The following EYS variants were observed in gnomAD, a reference collection of about 807,000 sequenced individuals.
EYS encodes protein eyes shut homolog.
Under a neutral mutation model 282.1 loss-of-function variants are expected in EYS, and 250 were observed. The observed-to-expected ratio is 0.89, with a 90% CI of 0.80 to 0.98. The LOEUF is 0.98. EYS is among the 50% of genes least tolerant of loss of function. The pLI, the probability that EYS is intolerant of heterozygous loss-of-function variation, is 0.00. For missense variants in EYS, 4,016 were observed against 3,709.0 expected, an observed-to-expected ratio of 1.08 and a Z score of -2.15; for synonymous variants, 1,355 against 1,282.9, an observed-to-expected ratio of 1.06 and a Z score of -1.20.
At chr6:65,607,913 G>C (rs1037527707) in intron 2 of EYS, among the ~76,000 whole-genome samples, 1 of 151,932 alleles carries the variant, frequency 6.6e-6, no homozygotes, top group Admixed American at 6.6e-5. Context: ...CCTGGAATGT[G>C]AGAAAGCAGC....
intron 36 of EYS, among the ~76,000 whole-genome samples, chr6:63,830,774 C>G (rs1562047864): frequency 6.6e-6 from 1 of 152,210 alleles, no homozygotes; most frequent in East Asian, 1.9e-4. Flanking sequence ...TCAGATTCAC[C>G]AAAGTCGAAA....
chr6:64,897,306 C>G (rs1205402028), intron 18 of EYS, among the ~76,000 whole-genome samples: 1 of 152,126 alleles, frequency 6.6e-6, no homozygotes, highest in Non-Finnish European at 1.5e-5. Flanking sequence ...GATACCCAGG[C>G]AAACAGGGTC....
intron 42 of EYS, among the ~76,000 whole-genome samples, chr6:63,724,854 T>G (rs1319166128): frequency 1.3e-5 from 2 of 152,122 alleles, no homozygotes; most frequent in African/African-American, 4.8e-5. Context: ...CTTTGTGTAT[T>G]GTTTGGTTAG....
chr6:63,826,846 A>AAC (rs1771479054), intron 36 of EYS, among the ~76,000 whole-genome samples: 1 of 2,622 alleles, frequency 3.8e-4, no homozygotes. Context: ...GTTAAAAAGC[A>AAC]AAAAAAAAAA....
chr6:64,743,594 A>G (rs1356975826), intron 22 of EYS, among the ~76,000 whole-genome samples: 2 of 152,164 alleles, frequency 1.3e-5, no homozygotes, highest in Non-Finnish European at 2.9e-5. Context: ...ATTTTACAGT[A>G]AAAGACATTT....
At chr6:64,361,720 A>G (rs1772014044) in intron 29 of EYS, among the ~76,000 whole-genome samples, 1 of 151,780 alleles carries the variant, frequency 6.6e-6, no homozygotes, top group Admixed American at 6.6e-5. Context: ...CTTATAATTT[A>G]GGACACAACA....
chr6:64,090,747 T>G (rs1250712329), intron 31 of EYS, among the ~76,000 whole-genome samples: 2 of 152,210 alleles, frequency 1.3e-5, no homozygotes, highest in Non-Finnish European at 2.9e-5. Flanking sequence ...TCATCCAAAC[T>G]TCTTCCTTTG....
intron 1 of EYS, among the ~76,000 whole-genome samples, chr6:65,699,567 G>C (rs1769582762): frequency 6.6e-6 from 1 of 152,158 alleles, no homozygotes; most frequent in African/African-American, 2.4e-5. Context: ...ATGTATAGTA[G>C]CTGCAGAATA....
chr6:63,789,886 G>C (rs1770463111), intron 37 of EYS, among the ~76,000 whole-genome samples: 1 of 152,158 alleles, frequency 6.6e-6, no homozygotes, highest in South Asian at 2.1e-4. Flanking sequence ...GAGTGACCCA[G>C]CATTAATCAC....
chr6:63,957,067 C>T (rs1765857697), intron 35 of EYS, among the ~76,000 whole-genome samples: 1 of 152,138 alleles, frequency 6.6e-6, no homozygotes, highest in African/African-American at 2.4e-5. Flanking sequence ...TATTGATGAT[C>T]AATTAACACT....
At chr6:65,085,586 G>A (rs1774341688) in intron 12 of EYS, among the ~76,000 whole-genome samples, 1 of 152,028 alleles carries the variant, frequency 6.6e-6, no homozygotes, top group Admixed American at 6.6e-5. Context: ...TAGGATAACT[G>A]AAATATGCCC....
At chr6:64,769,002 T>C (rs1773442484) in intron 22 of EYS, among the ~76,000 whole-genome samples, 2 of 152,090 alleles carry the variant, frequency 1.3e-5, no homozygotes, top group African/African-American at 4.8e-5. Flanking sequence ...AGTCACCTTG[T>C]GGCTTGTTTG....
chr6:64,822,375 G>A (rs908073450), intron 20 of EYS, among the ~76,000 whole-genome samples: 3 of 151,928 alleles, frequency 2.0e-5, no homozygotes, highest in Non-Finnish European at 4.4e-5. Context: ...CTATTACCAT[G>A]AGCAGTTACC....
At chr6:65,015,666 A>T (rs1772021518) in intron 13 of EYS, among the ~76,000 whole-genome samples, 1 of 152,088 alleles carries the variant, frequency 6.6e-6, no homozygotes, top group Non-Finnish European at 1.5e-5. Flanking sequence ...GGTAGGAAAA[A>T]TTAAAAACCT....
chr6:64,193,095 GT>G (rs1356894581), intron 31 of EYS, among the ~76,000 whole-genome samples: 3 of 151,964 alleles, frequency 2.0e-5, no homozygotes, highest in African/African-American at 7.3e-5. Flanking sequence ...GTGTGTTTTG[GT>G]TTTTTGTAGA....
At chr6:65,126,023 T>G (rs989549034) in intron 12 of EYS, among the ~76,000 whole-genome samples, 2 of 152,116 alleles carry the variant, frequency 1.3e-5, no homozygotes, top group African/African-American at 4.8e-5. Context: ...CTGGTAAGAT[T>G]ATAAAGCATA....
chr6:65,564,103 C>G (rs1189109683), intron 2 of EYS, among the ~76,000 whole-genome samples: 1 of 152,096 alleles, frequency 6.6e-6, no homozygotes, highest in Non-Finnish European at 1.5e-5. Context: ...CTACAAACCA[C>G]TGCTCAAGGA....
At chr6:64,798,484 A>T (rs1774428388) in intron 22 of EYS, among the ~76,000 whole-genome samples, 1 of 151,928 alleles carries the variant, frequency 6.6e-6, no homozygotes, top group Non-Finnish European at 1.5e-5. Context: ...AAAAGAAAGC[A>T]AGCACATGCG....
At chr6:65,368,251 G>A (rs1397883000) in intron 8 of EYS, among the ~76,000 whole-genome samples, 2 of 151,526 alleles carry the variant, frequency 1.3e-5, no homozygotes, top group Non-Finnish European at 2.9e-5. Flanking sequence ...GGAACTACAA[G>A]TCAAGATGAG....
Sources: allele counts gnomAD v4.1 joint callset (sites outside exome capture counted in the v4.1 genomes callset), GRCh38; gene constraint gnomAD v4.1.1; transcripts MANE v1.5; gene names NCBI Gene and HGNC (gene_info 2026-07-23, HGNC 2026-07-21).